CHST13: variants seen among roughly 807,000 people sequenced by gnomAD.
CHST13 encodes C4ST-3.
In CHST13, 1 loss-of-function variant was observed where a neutral mutation model predicts 7.0. The observed-to-expected ratio is 0.14, with a 90% CI of 0.05 to 0.68. CHST13 has a LOEUF of 0.68. CHST13 is among the 30% of genes least tolerant of loss of function. The pLI, the probability that CHST13 is intolerant of heterozygous loss-of-function variation, is 0.82. For synonymous variants in CHST13, 257 were observed against 240.9 expected (o/e 1.07, Z -0.62); for missense variants, 572 against 507.9 (o/e 1.13, Z -1.21).
At chr3:126,536,881 T>TCA (rs1466141039) in intron 2 of CHST13, among the ~76,000 whole-genome samples, 9 of 117,806 alleles carry the variant, frequency 7.6e-5, no homozygotes, top group East Asian at 2.2e-4. Context: ...TCTCTCTTTC[T>TCA]CACACACACA....
chr3:126,524,288 C>A lies in CHST13; in HGVS notation c.-45C>A, dbSNP rs1034674324. The A allele has an allele frequency of 2.1e-5, 26 of 1,217,790 alleles. No homozygotes were observed. The highest frequency in any genetic ancestry group is 1.7e-4 in the Admixed American group (4 of 22,882). 75.4% of individuals were successfully genotyped at this position (1,217,790 alleles called of 1,614,324 possible). ...TCCTGGGCCAGTGCAACTCCGCCCC[C>A]AGCCGTATCCAGCGGACTGTCCTCC... On this transcript the variant is annotated 5_prime_UTR_variant, in exon 1 of 3. Coordinates refer to ENST00000319340, the MANE Select transcript of CHST13 (RefSeq NM_152889.3).
rs1475978031 is a variant in CHST13 at position 126,542,427 on chromosome 3, C to A, written c.875C>A (p.Pro292Gln). Residue 292 changes from proline (P) to glutamine (Q), a missense_variant, in exon 3 of 3, where the codon CCG becomes CAG. By Grantham distance (76) the Pro-to-Gln change is moderately conservative. Transcript: ENST00000319340. Reference protein sequence around the residue: ...GASDLSFPGPPRPRGAAASRD... With the variant: ...GASDLSFPGPQRPRGAAASRD... ...TCCGACCTGAGCTTCCCTGGGCCGC[C>A]GCGGCCCCGGGGAGCCGCCGCCTCC... 55 of 1,554,228 alleles carry A rather than the reference C, an allele frequency of 3.5e-5. 1 individual carries two copies. The highest frequency in any genetic ancestry group is 4.7e-5 in the Non-Finnish European group (54 of 1,152,564).
chr3:126,524,399 C>A lies in CHST13; in HGVS notation c.67C>A (p.Leu23Ile). 1 of 1,216,040 alleles carries A rather than the reference C, an allele frequency of 8.2e-7. No individual in the cohort carries two copies. Among genetic ancestry groups the A allele is most frequent in the Non-Finnish European group, 1.0e-6 (1 of 973,378 alleles). 75.3% of individuals were successfully genotyped at this position (1,216,040 alleles called of 1,614,324 possible). Residue 23 changes from leucine (L) to isoleucine (I), a missense_variant, in exon 1 of 3, where the codon CTA becomes ATA. Transcript: ENST00000319340. ...AACLGAALLL[L>I]CAAPRSLRPA... ...CTGTCTGGGCGCCGCGCTCCTGCTC[C>A]TATGCGCCGCGCCCCGCTCCCTGCG...
At chr3:126,534,346 T>G (rs1936717992) in intron 1 of CHST13, among the ~76,000 whole-genome samples, 1 of 152,226 alleles carries the variant, frequency 6.6e-6, no homozygotes, top group Admixed American at 6.5e-5. Context: ...GGTAAACGGA[T>G]TTTTACTTAT....
chr3:126,529,126 C>T (rs963141867), intron 1 of CHST13: 2 of 413,742 alleles, frequency 4.8e-6, no homozygotes, highest in South Asian at 1.8e-5. Context: ...ATGGCTGTGC[C>T]CTCACCCTGC....
chr3:126,524,641 C>T (rs974630439), intron 1 of CHST13, among the ~76,000 whole-genome samples: 2 of 152,238 alleles, frequency 1.3e-5, no homozygotes, highest in African/African-American at 4.8e-5. Context: ...GAGTTACCTC[C>T]CCACTCCCAG....
intron 1 of CHST13, chr3:126,529,368 C>T: frequency 1.6e-6 from 2 of 1,289,340 alleles, no homozygotes; most frequent in Non-Finnish European, 2.0e-6. Context: ...ATGGGGCCCA[C>T]TTGCCTACGG....
intron 1 of CHST13, among the ~76,000 whole-genome samples, chr3:126,535,455 G>GAGAC (rs1304068503): frequency 6.6e-6 from 1 of 151,304 alleles, no homozygotes; most frequent in East Asian, 2.0e-4. Flanking sequence ...CCTCAGCCGG[G>GAGAC]AGACAGACAG....
chr3:126,532,963 G>T (rs1445257281), intron 1 of CHST13, among the ~76,000 whole-genome samples: 1 of 152,024 alleles, frequency 6.6e-6, no homozygotes, highest in Non-Finnish European at 1.5e-5. Flanking sequence ...GGTTTTCAGT[G>T]GACAGGTCTT....
chr3:126,526,467 C>A (rs1373545466), intron 1 of CHST13, among the ~76,000 whole-genome samples: 1 of 152,190 alleles, frequency 6.6e-6, no homozygotes, highest in Non-Finnish European at 1.5e-5. Context: ...TCAGCCCCTT[C>A]TCCCAGGAGG....
At chr3:126,531,553 G>T (rs1936660501) in intron 1 of CHST13, among the ~76,000 whole-genome samples, 1 of 152,298 alleles carries the variant, frequency 6.6e-6, no homozygotes, top group South Asian at 2.1e-4. Context: ...CACATAAATG[G>T]AATCGTGTCT....
intron 2 of CHST13, among the ~76,000 whole-genome samples, chr3:126,538,908 C>T (rs1407838772): frequency 6.6e-6 from 1 of 152,154 alleles, no homozygotes; most frequent in Non-Finnish European, 1.5e-5. Context: ...GCATTTGACA[C>T]TACAGAAGGG....
chr3:126,528,569 C>T (rs1936581802), intron 1 of CHST13, among the ~76,000 whole-genome samples: 1 of 152,174 alleles, frequency 6.6e-6, no homozygotes, highest in African/African-American at 2.4e-5. Flanking sequence ...GAGGTGTCTC[C>T]TTCCAGTCTT....
At chr3:126,537,620 G>A (rs1936826106) in intron 2 of CHST13, among the ~76,000 whole-genome samples, 1 of 152,210 alleles carries the variant, frequency 6.6e-6, no homozygotes, top group Non-Finnish European at 1.5e-5. Context: ...CGGTAGGACA[G>A]GCACTCAGTA....
rs1018484349 is a variant in CHST13, at chr3:126,538,142, C to T, written c.180+1789C>T. On this transcript the variant is annotated intron_variant, in intron 2 of 2. Coordinates refer to ENST00000319340, the MANE Select transcript of CHST13 (RefSeq NM_152889.3). The stretch of plus-strand genomic sequence containing the variant: ...TGGGTATTCATGTGCCTATGAGCAA[C>T]AGCAGTGGCAGCCCAAGCTGCTTCC... Among the ~76,000 whole-genome samples the T allele has an allele frequency of 3.3e-5, 5 of 152,330 alleles. 1 individual carries two copies. The highest frequency in any genetic ancestry group is 6.5e-5 in the Admixed American group (1 of 15,312).
At chr3:126,536,913 A>T (rs1252693121) in intron 2 of CHST13, among the ~76,000 whole-genome samples, 1 of 151,126 alleles carries the variant, frequency 6.6e-6, no homozygotes, top group Non-Finnish European at 1.5e-5. Flanking sequence ...ACACACACAC[A>T]CACACACACA....
chr3:126,542,455 C>CGACCTGGCACCGG lies in CHST13; in HGVS notation c.912_913insCCGGGACCTGGCA (p.Ala305ProfsTer115). Reference sequence around the variant, plus strand: ...GGCCCCGGGGAGCCGCCGCCTCCCGCGACCTGGCAGCGCGCCTCTTCCGGG... The same window carrying CGACCTGGCACCGG: ...GGCCCCGGGGAGCCGCCGCCTCCCGCGACCTGGCACCGGGACCTGGCAGCGCGCCTCTTCCGGG... On this transcript the variant is annotated frameshift_variant, in exon 3 of 3. Coordinates refer to ENST00000319340, the MANE Select transcript of CHST13 (RefSeq NM_152889.3). LOFTEE classifies it low-confidence loss of function (END_TRUNC). 1 of 1,569,376 alleles carries CGACCTGGCACCGG rather than the reference C, an allele frequency of 6.4e-7. No individual in the cohort carries two copies. The highest frequency in any genetic ancestry group is 8.6e-7 in the Non-Finnish European group (1 of 1,160,338).
chr3:126,536,427 C>A, intron 2 of CHST13, 74 bp downstream of exon 2: 2 of 1,178,074 alleles, frequency 1.7e-6, no homozygotes, highest in South Asian at 1.3e-5. Flanking sequence ...ACAGTGCAGA[C>A]CTGCTGGCAT....
chr3:126,537,758 A>G (rs1936829156), intron 2 of CHST13, among the ~76,000 whole-genome samples: 1 of 119,818 alleles, frequency 8.3e-6, no homozygotes, highest in Non-Finnish European at 1.7e-5. Context: ...GAAATAACAT[A>G]GTAAAAACCA....
Sources: gnomAD v4.1 joint callset for allele counts (sites outside exome capture counted in the v4.1 genomes callset) on GRCh38, gnomAD v4.1.1 for gene constraint, MANE v1.5 for transcripts, NCBI Gene and HGNC (gene_info 2026-07-23, HGNC 2026-07-21) for gene names.